The following ERBB4 variants were observed in gnomAD, a reference collection of about 807,000 sequenced individuals.
ERBB4 encodes receptor tyrosine-protein kinase erbB-4.
A neutral mutation model predicts 158.0 loss-of-function variants in ERBB4; 42 were observed. The observed-to-expected ratio is 0.27, with a 90% CI of 0.21 to 0.34. ERBB4 has a LOEUF of 0.34. Ranked by LOEUF, ERBB4 falls within the 10% of genes least tolerant of loss-of-function variation. The probability of loss-of-function intolerance (pLI) is 1.00; values close to 1 mark genes in which losing one functional copy is unlikely to be tolerated. For missense variants in ERBB4, 1,333 were observed against 1,624.1 expected, an observed-to-expected ratio of 0.82 and a Z score of 3.08; for synonymous variants, 583 against 558.7, an observed-to-expected ratio of 1.04 and a Z score of -0.61.
intron 20 of ERBB4, among the ~76,000 whole-genome samples, chr2:211,437,042 A>C (rs1452323747): frequency 6.6e-6 from 1 of 152,192 alleles, no homozygotes; most frequent in African/African-American, 2.4e-5. Context: ...CACTTATTAC[A>C]CACCATGGAG....
intron 1 of ERBB4, among the ~76,000 whole-genome samples, chr2:212,163,273 C>G (rs2081255618): frequency 6.6e-6 from 1 of 151,882 alleles, no homozygotes; most frequent in Admixed American, 6.6e-5. Context: ...TCCCATCACC[C>G]AAAACTGTGT....
At chr2:212,154,712 CT>C (rs2080980660) in intron 1 of ERBB4, among the ~76,000 whole-genome samples, 1 of 151,444 alleles carries the variant, frequency 6.6e-6, no homozygotes, top group Non-Finnish European at 1.5e-5. Flanking sequence ...GCCTTTATTT[CT>C]TTTTTTAAAA....
At chr2:211,956,670 A>T (rs1385106510) in intron 2 of ERBB4, among the ~76,000 whole-genome samples, 1 of 152,118 alleles carries the variant, frequency 6.6e-6, no homozygotes, top group Non-Finnish European at 1.5e-5. Flanking sequence ...ATATTTGTAA[A>T]TATTTTGTAT....
intron 1 of ERBB4, among the ~76,000 whole-genome samples, chr2:212,194,493 T>G (rs1040120727): frequency 6.6e-6 from 1 of 152,076 alleles, no homozygotes; most frequent in Non-Finnish European, 1.5e-5. Flanking sequence ...CTATTTCCCT[T>G]AGCTAACAAT....
chr2:211,973,209 T>TTC (rs1052889283), intron 2 of ERBB4, among the ~76,000 whole-genome samples: 1 of 89,670 alleles, frequency 1.1e-5, no homozygotes, highest in African/African-American at 2.9e-5. Flanking sequence ...AAATTCCTTT[T>TTC]TTTCTTTTTT....
chr2:212,270,146 T>G (rs939542786), intron 1 of ERBB4, among the ~76,000 whole-genome samples: 1 of 151,780 alleles, frequency 6.6e-6, no homozygotes, highest in African/African-American at 2.4e-5. Flanking sequence ...ATTAATAATA[T>G]GCAATATACA....
At chr2:211,584,961 A>G (rs2068220131) in intron 19 of ERBB4, among the ~76,000 whole-genome samples, 1 of 152,108 alleles carries the variant, frequency 6.6e-6, no homozygotes, top group East Asian at 1.9e-4. Context: ...AATTACCACT[A>G]TATTCTACAC....
rs139288784 is a variant in ERBB4 at position 211,821,733 on chromosome 2, G to A, written c.422-33574C>T. 2.0e-5 allele frequency among the ~76,000 whole-genome samples: 3 copies of A among 152,006 alleles called. No individual in the cohort carries two copies. In the East Asian group the frequency reaches 5.8e-4, roughly 29 times the overall value. ...CTACAGCTATCTGACTTTTGACAAA[G>A]CTGCTAAAAATACACATTGCAGAAA... On this transcript the variant is annotated intron_variant, in intron 3 of 27. Coordinates refer to ENST00000342788, the MANE Select transcript of ERBB4 (RefSeq NM_005235.3).
intron 3 of ERBB4, among the ~76,000 whole-genome samples, chr2:211,891,636 T>A (rs1271214451): frequency 9.6e-6 from 1 of 104,028 alleles, no homozygotes; most frequent in Non-Finnish European, 1.9e-5. Flanking sequence ...TTTGAAAGGA[T>A]CAACAAAATT....
intron 25 of ERBB4, among the ~76,000 whole-genome samples, chr2:211,405,992 A>T (rs1383875500): frequency 6.6e-6 from 1 of 152,146 alleles, no homozygotes; most frequent in East Asian, 1.9e-4. Flanking sequence ...TCTCAAAACC[A>T]TCACTTCCAT....
intron 20 of ERBB4, among the ~76,000 whole-genome samples, chr2:211,469,303 A>G (rs1018835408): frequency 3.9e-5 from 6 of 152,170 alleles, no homozygotes; most frequent in African/African-American, 1.4e-4. Context: ...TTTGAAATTT[A>G]TCAAAAATTT....
intron 1 of ERBB4, among the ~76,000 whole-genome samples, chr2:212,361,891 T>A (rs189593008): frequency 2.0e-5 from 3 of 151,646 alleles, no homozygotes; most frequent in African/African-American, 7.2e-5. Flanking sequence ...TAGAACAGGG[T>A]AACAAGGTTT....
At chr2:211,615,304 G>A (rs1445083529) in intron 19 of ERBB4, among the ~76,000 whole-genome samples, 1 of 151,670 alleles carries the variant, frequency 6.6e-6, no homozygotes, top group Admixed American at 6.6e-5. Flanking sequence ...CATTTCTTAT[G>A]TATGTGTTCT....
chr2:211,562,355 C>T (rs1040608030), intron 19 of ERBB4, among the ~76,000 whole-genome samples: 2 of 152,118 alleles, frequency 1.3e-5, no homozygotes, highest in African/African-American at 4.8e-5. Context: ...GTATTTTCTC[C>T]TTTGTAATAT....
At chr2:211,558,776 A>T (rs1255922775) in intron 20 of ERBB4, among the ~76,000 whole-genome samples, 1 of 152,078 alleles carries the variant, frequency 6.6e-6, no homozygotes, top group Non-Finnish European at 1.5e-5. Context: ...GAAAAAAAAA[A>T]TAAAGGAAGG....
At chr2:211,842,540 C>T (rs2106005154) in intron 3 of ERBB4, among the ~76,000 whole-genome samples, 1 of 151,416 alleles carries the variant, frequency 6.6e-6, no homozygotes, top group South Asian at 2.1e-4. Context: ...ATAATGTGTA[C>T]AACATAGAAT....
chr2:211,944,919 C>T (rs1009341515), intron 3 of ERBB4, among the ~76,000 whole-genome samples: 3 of 152,022 alleles, frequency 2.0e-5, no homozygotes, highest in East Asian at 1.9e-4. Flanking sequence ...GTGAGGTATC[C>T]GACTAATCAG....
intron 1 of ERBB4, among the ~76,000 whole-genome samples, chr2:212,408,488 AT>A (rs2091412035): frequency 6.6e-6 from 1 of 152,130 alleles, no homozygotes; most frequent in South Asian, 2.1e-4. Flanking sequence ...AAAAATCCTG[AT>A]TCCTGAGGCC....
At chr2:211,652,142 T>C (rs570901476) in intron 16 of ERBB4, among the ~76,000 whole-genome samples, 16 of 152,196 alleles carry the variant, frequency 1.1e-4, no homozygotes, top group Non-Finnish European at 1.9e-4. Context: ...CCACTTTAAC[T>C]GTATGAACAG....
Sources: gnomAD v4.1 joint callset for allele counts (sites outside exome capture counted in the v4.1 genomes callset) on GRCh38, gnomAD v4.1.1 for gene constraint, MANE v1.5 for transcripts, NCBI Gene and HGNC (gene_info 2026-07-23, HGNC 2026-07-21) for gene names.